VTCN1: variants seen among roughly 807,000 people sequenced by gnomAD.
VTCN1 encodes V-set domain-containing T-cell activation inhibitor 1.
Under a neutral mutation model 26.5 loss-of-function variants are expected in VTCN1, and 26 were observed. The ratio of observed to expected loss-of-function variants is 0.98; its 90% CI spans 0.72 to 1.36. The LOEUF is 1.36. Among genes scored for constraint, VTCN1 ranks in the 40% most tolerant of loss-of-function variants. The pLI is 0.00. For missense variants in VTCN1, 298 were observed against 337.7 expected (o/e 0.88, Z 0.92); for synonymous variants, 116 against 130.7 (o/e 0.89, Z 0.77).
intron 4 of VTCN1, among the ~76,000 whole-genome samples, chr1:117,149,793 A>G (rs1651700791): frequency 6.6e-6 from 1 of 152,236 alleles, no homozygotes; most frequent in African/African-American, 2.4e-5. Flanking sequence ...AGAACACAAT[A>G]TGTAAATCCC....
intron 1 of VTCN1, among the ~76,000 whole-genome samples, chr1:117,198,274 A>T (rs1263531318): frequency 6.6e-6 from 1 of 152,218 alleles, no homozygotes; most frequent in Non-Finnish European, 1.5e-5. Context: ...CTCTCTAGAG[A>T]ATTGGTCATA....
At chr1:117,160,074 C>T (rs996439156) in intron 2 of VTCN1, among the ~76,000 whole-genome samples, 3 of 152,180 alleles carry the variant, frequency 2.0e-5, no homozygotes, top group Admixed American at 6.5e-5. Context: ...TCTTGAGAGG[C>T]TCTTTCTGTG....
intron 1 of VTCN1, among the ~76,000 whole-genome samples, chr1:117,199,570 C>A (rs1648690725): frequency 6.6e-6 from 1 of 152,102 alleles, no homozygotes; most frequent in Non-Finnish European, 1.5e-5. Context: ...AAGCGATCCA[C>A]CCACCTCAGC....
intron 4 of VTCN1, among the ~76,000 whole-genome samples, chr1:117,148,006 C>T (rs574059286): frequency 3.9e-5 from 6 of 152,174 alleles, no homozygotes; most frequent in East Asian, 1.9e-4. Flanking sequence ...AACACTCAGC[C>T]GAATGAAAAA....
rs760538252 is a variant in VTCN1 at position 117,147,887 on chromosome 1, T to C, written c.725-105A>G. ...GTACCTGAAAAACAGAACAAGTTGT[T>C]CCTAATTCAGGCAATTTTTTACCCC... is the stretch of plus-strand genomic sequence containing the variant. On this transcript the variant is annotated intron_variant, in intron 4 of 5. Transcript: ENST00000369458. The surrounding 1 kb of genome is among the most constrained non-coding windows in gnomAD (Gnocchi z 4.6). 75 of 1,473,442 alleles carry C rather than the reference T, an allele frequency of 5.1e-5. No individual in the cohort carries two copies. The highest frequency in any genetic ancestry group is 6.4e-5 in the Non-Finnish European group (71 of 1,108,018). The allele number at this position is 1,473,442 out of a possible 1,614,324, so 91.3% of individuals were successfully genotyped here.
rs554630046 is a variant in VTCN1 at position 117,202,860 on chromosome 1, C to T, written c.32+7964G>A. Among the ~76,000 whole-genome samples the T allele has an allele frequency of 7.2e-5, 11 of 152,152 alleles. 1 individual carries two copies. In the South Asian group the frequency reaches 2.1e-3, roughly 29 times the overall value. ...GAACACTCACTCCAGACAACACTAG[C>T]GACAAGTGCTGAAAAGGAAAAAAAG... On this transcript the variant is annotated intron_variant, in intron 1 of 5. Coordinates refer to ENST00000369458, the MANE Select transcript of VTCN1 (RefSeq NM_024626.4).
chr1:117,174,508 T>G (rs577262991), intron 1 of VTCN1, among the ~76,000 whole-genome samples: 1 of 152,356 alleles, frequency 6.6e-6, no homozygotes, highest in South Asian at 2.1e-4. Context: ...GACTCACGGC[T>G]GTAATCCCAG....
intron 1 of VTCN1, among the ~76,000 whole-genome samples, chr1:117,194,383 G>A (rs531199398): frequency 1.2e-4 from 18 of 152,216 alleles, no homozygotes; most frequent in Middle Eastern, 6.8e-3. Context: ...ATGTTGGTGC[G>A]GATGCAGAGA....
chr1:117,156,046 G>A (rs1403848286), intron 3 of VTCN1, among the ~76,000 whole-genome samples: 1 of 152,116 alleles, frequency 6.6e-6, no homozygotes, highest in Non-Finnish European at 1.5e-5. Flanking sequence ...TGAGTCCCTT[G>A]TATATAAATT....
intron 1 of VTCN1, among the ~76,000 whole-genome samples, chr1:117,200,092 AAG>A (rs1648720377): frequency 6.6e-6 from 1 of 152,214 alleles, no homozygotes; most frequent in Non-Finnish European, 1.5e-5. Context: ...CAAAAAAGAA[AAG>A]AGTCATTTAT....
At chr1:117,150,590 G>A (rs1651735729) in intron 4 of VTCN1, among the ~76,000 whole-genome samples, 1 of 151,508 alleles carries the variant, frequency 6.6e-6, no homozygotes, top group Non-Finnish European at 1.5e-5. Flanking sequence ...GCTCTCATAT[G>A]TAATTTTTTA....
chr1:117,173,056 G>A, intron 1 of VTCN1: 2 of 677,004 alleles, frequency 3.0e-6, no homozygotes, highest in South Asian at 3.2e-5. Flanking sequence ...ACCTTTATGA[G>A]CTGTAACACT....
chr1:117,192,579 A>G (rs1648297607), intron 1 of VTCN1, among the ~76,000 whole-genome samples: 1 of 152,234 alleles, frequency 6.6e-6, no homozygotes, highest in Admixed American at 6.5e-5. Flanking sequence ...AAATATAACT[A>G]TAGCTATAAT....
intron 2 of VTCN1, among the ~76,000 whole-genome samples, chr1:117,157,947 A>AT (rs1307193336): frequency 6.6e-6 from 1 of 152,294 alleles, no homozygotes; most frequent in African/African-American, 2.4e-5. Flanking sequence ...CAAGTCCAAA[A>AT]TTTTAAAGCT....
chr1:117,195,977 C>T (rs1178336352), intron 1 of VTCN1, among the ~76,000 whole-genome samples: 1 of 152,086 alleles, frequency 6.6e-6, no homozygotes, highest in Non-Finnish European at 1.5e-5. Context: ...ATAGGAAGGC[C>T]TTGCCTCTAC....
chr1:117,193,938 AG>A (rs1031883701), intron 1 of VTCN1, among the ~76,000 whole-genome samples: 16 of 152,162 alleles, frequency 1.1e-4, no homozygotes, highest in Non-Finnish European at 2.2e-4. Flanking sequence ...ATAGGAAAAA[AG>A]CTCCCTTTGA....
At chr1:117,198,061 C>T (rs55704318) in intron 1 of VTCN1, among the ~76,000 whole-genome samples, 2 of 152,268 alleles carry the variant, frequency 1.3e-5, no homozygotes, top group East Asian at 1.9e-4. Context: ...ACTGTTGGGG[C>T]CCCATTTAAT....
chr1:117,176,984 A>G (rs1374619046), intron 1 of VTCN1, among the ~76,000 whole-genome samples: 1 of 152,170 alleles, frequency 6.6e-6, no homozygotes, highest in Non-Finnish European at 1.5e-5. Context: ...GCGTAGTCCC[A>G]GCTACTCGGG....
At chr1:117,170,328 A>T (rs746871886) in intron 1 of VTCN1, 157 bp from the exon 2 acceptor site, 2 of 763,212 alleles carry the variant, frequency 2.6e-6, no homozygotes, top group Non-Finnish European at 4.7e-6. Flanking sequence ...CGGGTACCTT[A>T]GAAAGGAATT....
Sources: allele counts gnomAD v4.1 joint callset (sites outside exome capture counted in the v4.1 genomes callset), GRCh38; gene constraint gnomAD v4.1.1; non-coding constraint Gnocchi (gnomAD v3.1); transcripts MANE v1.5; gene names NCBI Gene and HGNC (gene_info 2026-07-23, HGNC 2026-07-21).